The following ABCG1 variants were observed in gnomAD, a reference collection of about 807,000 sequenced individuals.
The protein encoded by ABCG1 is ATP-binding cassette sub-family G member 1.
Under a neutral mutation model 69.2 loss-of-function variants are expected in ABCG1, and 29 were observed. The observed-to-expected ratio is 0.42, with a 90% CI of 0.31 to 0.57. ABCG1 has a LOEUF of 0.57. Ranked by LOEUF, ABCG1 falls within the 20% of genes least tolerant of loss-of-function variation. The pLI is 0.15. For synonymous variants in ABCG1, 370 were observed against 374.8 expected (o/e 0.99, Z 0.15); for missense variants, 718 against 898.1 (o/e 0.80, Z 2.56).
intron 2 of ABCG1, among the ~76,000 whole-genome samples, chr21:42,207,696 G>A (rs962288752): frequency 2.6e-5 from 4 of 152,214 alleles, no homozygotes; most frequent in Non-Finnish European, 2.9e-5. Flanking sequence ...CTCAGCCTTT[G>A]TTGACACCCA....
chr21:42,294,454 C>G, intron 13 of ABCG1, 88 bp from the exon 14 acceptor site: 3 of 1,043,326 alleles, frequency 2.9e-6, no homozygotes, highest in Non-Finnish European at 4.5e-6. Context: ...CTGGCCCTGC[C>G]CGGGGGAAGC....
chr21:42,229,398 G>A (rs557706477), intron 2 of ABCG1, among the ~76,000 whole-genome samples: 12 of 152,328 alleles, frequency 7.9e-5, no homozygotes, highest in East Asian at 3.9e-4. Flanking sequence ...AGGTGTCTCC[G>A]AAGGTAAGAA....
intron 2 of ABCG1, among the ~76,000 whole-genome samples, chr21:42,239,346 T>C (rs2068018819): frequency 6.6e-6 from 1 of 152,372 alleles, no homozygotes; most frequent in African/African-American, 2.4e-5. Flanking sequence ...TGGCTACCCT[T>C]CTTATATGTG....
In ABCG1 at chr21:42,219,806, C is replaced by T. The variant is rs901731938; in HGVS notation, c.42+502C>T. ...TCTGGGGGAACAAAAGAGGAAGCTG[C>T]CCCCAGAGAGCCGGAGCCTGCGACT... On this transcript the variant is annotated intron_variant, in intron 1 of 14. Transcript: ENST00000398449. This position sits in a 1 kb window ranked among gnomAD's most constrained non-coding sequence, Gnocchi z 5.3. The T allele has an allele frequency of 2.8e-6, 4 of 1,432,018 alleles. No homozygotes were observed. The highest frequency in any genetic ancestry group is 1.4e-5 in the African/African-American group (1 of 69,104). 88.7% of individuals were successfully genotyped at this position (1,432,018 alleles called of 1,614,324 possible).
At chr21:42,232,149 G>A (rs144184266) in intron 2 of ABCG1, among the ~76,000 whole-genome samples, 1 of 152,366 alleles carries the variant, frequency 6.6e-6, no homozygotes, top group African/African-American at 2.4e-5. Flanking sequence ...GGGCCCCAAA[G>A]AGGCTTTGAA....
At position 42,287,062 on chromosome 21, in the gene ABCG1, CG is replaced by C. The variant is rs1873494364; in HGVS notation, c.974-825del. 6.6e-6 allele frequency among the ~76,000 whole-genome samples: 1 copy of C among 152,020 alleles called. No individual in the cohort carries two copies. The highest frequency in any genetic ancestry group is 2.4e-5 in the African/African-American group (1 of 41,386). ...TAGCTGGCTCTGCCAGAGGGAAGTG[CG>C]GAAAAGGTAAGGGTGTTGGGGAGCT... On this transcript the variant is annotated intron_variant, in intron 8 of 14. Transcript: ENST00000398449. The surrounding 1 kb of genome is among the most constrained non-coding windows in gnomAD (Gnocchi z 6.2).
At position 42,287,773 on chromosome 21, in the gene ABCG1, CGCA is replaced by C; in HGVS notation, c.974-112_974-110del. On this transcript the variant is annotated intron_variant, in intron 8 of 14. Transcript: ENST00000398449. This position sits in a 1 kb window ranked among gnomAD's most constrained non-coding sequence, Gnocchi z 6.2. The stretch of plus-strand genomic sequence containing the variant: ...TGACGTCATGCCATTAGCACCGCCA[CGCA>C]GCATCTATGTAATCGCTTTAAAACA... 2 of 1,087,424 alleles carry C rather than the reference CGCA, an allele frequency of 1.8e-6. No homozygotes were observed. The highest frequency in any genetic ancestry group is 5.0e-5 in the Admixed American group (2 of 40,068). The allele number at this position is 1,087,424 out of a possible 1,614,324, so 67.4% of individuals were successfully genotyped here. A position where few individuals can be genotyped will look rare whatever the true frequency, so the allele number is the denominator to read the frequency against.
At chr21:42,205,344 A>G (rs1008003681) in intron 2 of ABCG1, among the ~76,000 whole-genome samples, 2 of 152,132 alleles carry the variant, frequency 1.3e-5, no homozygotes, top group Admixed American at 6.5e-5. Context: ...CATGCCTGCA[A>G]TCCCAGCACT....
intron 2 of ABCG1, among the ~76,000 whole-genome samples, chr21:42,228,005 G>T (rs2123533183): frequency 6.6e-6 from 1 of 152,320 alleles, no homozygotes; most frequent in Non-Finnish European, 1.5e-5. Flanking sequence ...AATTCAAGAT[G>T]AGATTTGGGT....
At chr21:42,228,159 T>G (rs1318120464) in intron 2 of ABCG1, among the ~76,000 whole-genome samples, 4 of 152,158 alleles carry the variant, frequency 2.6e-5, no homozygotes, top group African/African-American at 9.7e-5. Flanking sequence ...CTGTCCATTC[T>G]TAGGAGCGCA....
intron 2 of ABCG1, among the ~76,000 whole-genome samples, chr21:42,242,596 G>A (rs1331442205): frequency 1.3e-5 from 2 of 152,220 alleles, no homozygotes; most frequent in East Asian, 1.9e-4. Flanking sequence ...AAGTGGTGAC[G>A]CTGAGGAGGG....
At chr21:42,241,376 G>A (rs170445) in intron 2 of ABCG1, among the ~76,000 whole-genome samples, 56,393 of 151,916 alleles carry the variant, frequency 0.37, 11,080 homozygotes, top group African/African-American at 0.5. Flanking sequence ...AGGCTGAGGC[G>A]GGTGAATTAC....
intron 13 of ABCG1, among the ~76,000 whole-genome samples, chr21:42,292,074 C>A (rs1341932811): frequency 6.6e-6 from 1 of 152,262 alleles, no homozygotes; most frequent in East Asian, 1.9e-4. Context: ...GGGGTTCCCT[C>A]GGCCTCTCCA....
At chr21:42,212,915 G>A (rs558662109), upstream of ABCG1, among the ~76,000 whole-genome samples, 29 of 152,164 alleles carry the variant, frequency 1.9e-4, no homozygotes, top group East Asian at 3.9e-4. Flanking sequence ...GGATGGTCTC[G>A]ATCTCCTGAC....
At chr21:42,201,634 A>C (rs747117061) in exon 2 of ABCG1, 1 of 1,589,654 alleles carries the variant, frequency 6.3e-7, no homozygotes, top group East Asian at 2.3e-5. Context: ...CGTGCTCAGC[A>C]GACATCAGGG....
intron 13 of ABCG1, 73 bp from the exon 14 acceptor site, chr21:42,294,469 G>A (rs474142): frequency 0.035 from 42,717 of 1,227,038 alleles, 2,120 homozygotes; most frequent in African/African-American, 0.22. Flanking sequence ...GGAAGCTGGC[G>A]TGGGCGAGCC....
chr21:42,277,728 G>C (rs1438152702), intron 5 of ABCG1, among the ~76,000 whole-genome samples: 1 of 152,266 alleles, frequency 6.6e-6, no homozygotes, highest in Non-Finnish European at 1.5e-5. Flanking sequence ...TCTGGCAGCA[G>C]CTGAGAGTGG....
intron 2 of ABCG1, chr21:42,260,100 G>T: frequency 6.4e-7 from 1 of 1,550,630 alleles, no homozygotes. Flanking sequence ...GGCAGGAAGG[G>T]CCTATGGTTG....
intron 5 of ABCG1, among the ~76,000 whole-genome samples, chr21:42,280,954 G>A (rs1041942930): frequency 6.6e-5 from 10 of 152,202 alleles, no homozygotes; most frequent in African/African-American, 1.9e-4. Context: ...CTGGGTTGGC[G>A]GCCCTCAGAG....
Sources: allele counts gnomAD v4.1 joint callset (sites outside exome capture counted in the v4.1 genomes callset), GRCh38; gene constraint gnomAD v4.1.1; non-coding constraint Gnocchi (gnomAD v3.1); transcripts MANE v1.5; gene names NCBI Gene and HGNC (gene_info 2026-07-23, HGNC 2026-07-21).